GK: variants seen among roughly 807,000 people sequenced by gnomAD.
GK encodes glycerol kinase.
Under a neutral mutation model 56.4 loss-of-function variants are expected in GK, and 9 were observed. The observed-to-expected ratio is 0.16, with a 90% CI of 0.10 to 0.28. The LOEUF is 0.28. Ranked by LOEUF, GK falls within the 10% of genes least tolerant of loss-of-function variation. The probability of loss-of-function intolerance (pLI) is 1.00; values close to 1 mark genes in which losing one functional copy is unlikely to be tolerated. For missense variants in GK, 161 were observed against 431.4 expected (o/e 0.37, Z 5.55); for synonymous variants, 104 against 144.1 (o/e 0.72, Z 1.99).
At chrX:30,654,983 T>C (rs145390611) in intron 1 of GK, among the ~76,000 whole-genome samples, 3,026 of 112,075 alleles carry the variant, frequency 0.027, 41 homozygotes, top group Non-Finnish European at 0.04. Context: ...TATATATTTT[T>C]TCAAAGTTCT....
At chrX:30,692,784 AT>A (rs113798918) in intron 5 of GK, among the ~76,000 whole-genome samples, 71 of 103,339 alleles carry the variant, frequency 6.9e-4, no homozygotes, top group Middle Eastern at 4.9e-3. Context: ...TTGTGCATTG[AT>A]TTTTTTTTTT....
intron 3 of GK, among the ~76,000 whole-genome samples, chrX:30,676,799 T>C (rs1360809710): frequency 1.8e-5 from 2 of 112,006 alleles, no homozygotes; most frequent in Non-Finnish European, 3.8e-5. Context: ...ATATTATATT[T>C]ATGCCTGATT....
chrX:30,668,952 C>T (rs748806516), intron 3 of GK, among the ~76,000 whole-genome samples: 34 of 110,337 alleles, frequency 3.1e-4, no homozygotes, highest in Non-Finnish European at 5.5e-4. Context: ...GTTGGGGTAA[C>T]AGAGAGAGTA....
chrX:30,699,736 T>G (rs923589748), intron 9 of GK, among the ~76,000 whole-genome samples: 6 of 111,283 alleles, frequency 5.4e-5, no homozygotes, highest in African/African-American at 2.0e-4. Context: ...GTGTCTTTTT[T>G]TAAAATTAAG....
chrX:30,657,919 A>G (rs1205760188), intron 1 of GK, among the ~76,000 whole-genome samples: 3 of 112,434 alleles, frequency 2.7e-5, no homozygotes, highest in Admixed American at 9.4e-5. Flanking sequence ...TTGGTTTTGC[A>G]ATCTATAAAA....
At chrX:30,684,090 C>G in intron 4 of GK, among the ~76,000 whole-genome samples, 1 of 112,194 alleles carries the variant, frequency 8.9e-6, no homozygotes. Flanking sequence ...AAATAAGCCA[C>G]AGACTAAACT....
intron 13 of GK, among the ~76,000 whole-genome samples, chrX:30,715,099 G>A (rs1936546093): frequency 8.9e-6 from 1 of 111,851 alleles, no homozygotes; most frequent in South Asian, 3.7e-4. Context: ...ATGAATGATT[G>A]TAAGCAATTT....
intron 13 of GK, among the ~76,000 whole-genome samples, chrX:30,712,976 C>T (rs916668344): frequency 2.7e-5 from 3 of 110,662 alleles, no homozygotes. Flanking sequence ...CCTGGTGATC[C>T]GCCCGCCTCG....
intron 1 of GK, among the ~76,000 whole-genome samples, chrX:30,654,295 C>A (rs192424859): frequency 4.4e-4 from 49 of 112,373 alleles, no homozygotes; most frequent in African/African-American, 1.5e-3. Flanking sequence ...CAGCATAATG[C>A]GACACGGAAA....
rs142902188 is a variant in GK, at chrX:30,698,004, A to G, written c.747+255A>G. On this transcript the variant is annotated intron_variant, in intron 9 of 20. Transcript: ENST00000427190. ...GAATGAGAGATTCTGATATTCTCAT[A>G]AAGTACAACTGTGATGTGCTTTGGG... Among the ~76,000 whole-genome samples, 693 of 112,178 alleles carry G rather than the reference A, an allele frequency of 6.2e-3. 5 individuals are homozygous for G. The highest frequency in any genetic ancestry group is 0.021 in the African/African-American group (659 of 30,933).
At chrX:30,696,903 T>A (rs1326643096) in intron 8 of GK, 6 of 401,057 alleles carry the variant, frequency 1.5e-5, no homozygotes, top group Non-Finnish European at 2.6e-5. Flanking sequence ...TTATTATTTT[T>A]AAAGAATTGA....
At chrX:30,701,663 T>C (rs1935672839) in intron 11 of GK, among the ~76,000 whole-genome samples, 2 of 112,381 alleles carry the variant, frequency 1.8e-5, no homozygotes, top group Non-Finnish European at 3.8e-5. Context: ...CTCCATTATC[T>C]GAAGTTTCGC....
chrX:30,662,357 A>G (rs749931524), intron 1 of GK, among the ~76,000 whole-genome samples: 2 of 112,308 alleles, frequency 1.8e-5, no homozygotes, highest in Admixed American at 1.9e-4. Flanking sequence ...TGGACAGGCT[A>G]CATACACTAA....
At chrX:30,655,403 G>C (rs1932188637) in intron 1 of GK, among the ~76,000 whole-genome samples, 1 of 111,906 alleles carries the variant, frequency 8.9e-6, no homozygotes, top group Non-Finnish European at 1.9e-5. Flanking sequence ...AGGTAGAAGG[G>C]GGAAGGCAGA....
chrX:30,699,227 TAC>T (rs1441283037), intron 9 of GK, among the ~76,000 whole-genome samples: 2 of 99,691 alleles, frequency 2.0e-5, no homozygotes, highest in East Asian at 6.0e-4. Context: ...ATGTTATATA[TAC>T]ATGTTATGTA....
chrX:30,711,099 C>G (rs1261543957), intron 13 of GK, among the ~76,000 whole-genome samples: 1 of 100,657 alleles, frequency 9.9e-6, no homozygotes, highest in African/African-American at 3.6e-5. Flanking sequence ...TTTTTATTCC[C>G]ACCTACTTTT....
chrX:30,661,761 C>T (rs968913565), intron 1 of GK, among the ~76,000 whole-genome samples: 1 of 112,056 alleles, frequency 8.9e-6, no homozygotes, highest in African/African-American at 3.2e-5. Context: ...GTGGCAGAGC[C>T]AGACCCTGTC....
chrX:30,710,041 T>C (rs1936241608), intron 13 of GK, among the ~76,000 whole-genome samples: 1 of 112,282 alleles, frequency 8.9e-6, no homozygotes, highest in Admixed American at 9.5e-5. Context: ...ATTTATGTAA[T>C]GCTTTTAGAT....
chrX:30,723,123 T>C (rs1027398546), intron 18 of GK, among the ~76,000 whole-genome samples: 1 of 111,722 alleles, frequency 9.0e-6, no homozygotes, highest in Non-Finnish European at 1.9e-5. Context: ...CTGCGGGGCG[T>C]GGTGGCTCAC....
Sources: allele counts gnomAD v4.1 joint callset (sites outside exome capture counted in the v4.1 genomes callset), GRCh38; gene constraint gnomAD v4.1.1; transcripts MANE v1.5; gene names NCBI Gene and HGNC (gene_info 2026-07-23, HGNC 2026-07-21).